The following UBE2K variants were observed in gnomAD, a reference collection of about 807,000 sequenced individuals.
UBE2K encodes the protein ubiquitin-conjugating enzyme E2 K.
UBE2K carries 6 observed loss-of-function variants against 30.0 expected under a neutral mutation model. The observed-to-expected ratio is 0.20, with a 90% CI of 0.11 to 0.39. The LOEUF is 0.39. Among genes scored for constraint, UBE2K ranks in the 10% least tolerant of loss-of-function variants. The probability of loss-of-function intolerance (pLI) is 1.00; values close to 1 mark genes in which losing one functional copy is unlikely to be tolerated. For synonymous variants in UBE2K, 86 were observed against 83.7 expected (o/e 1.03, Z -0.15); for missense variants, 61 against 241.6 (o/e 0.25, Z 4.96).
At position 39,778,644 on chromosome 4, in the gene UBE2K, TTTAA is replaced by T; in HGVS notation, c.*213_*216del. ...GTGTAAATTTAAAAAGGGGAAATAC[TTTAA>T]TTTTTTTTCTTAATAGTGTAAAAAT... On this transcript the variant is annotated 3_prime_UTR_variant, in exon 7 of 7. Transcript: ENST00000261427. The T allele has an allele frequency of 2.5e-6, 1 of 406,228 alleles. No individual in the cohort carries two copies. The highest frequency in any genetic ancestry group is 4.8e-5 in the South Asian group (1 of 20,638). 25.2% of individuals were successfully genotyped at this position (406,228 alleles called of 1,614,324 possible).
intron 1 of UBE2K, among the ~76,000 whole-genome samples, chr4:39,736,294 T>C (rs167328): frequency 0.82 from 125,465 of 152,104 alleles, 52,245 homozygotes; most frequent in African/African-American, 0.93. Flanking sequence ...AACCCCGTCT[T>C]GACTAAAAAT....
chr4:39,748,740 G>C (rs916387181), intron 3 of UBE2K, among the ~76,000 whole-genome samples: 13 of 151,874 alleles, frequency 8.6e-5, no homozygotes, highest in African/African-American at 1.5e-4. Context: ...GTATTACTGT[G>C]ACCTCAACCA....
chr4:39,703,167 T>G (rs1275788306), intron 1 of UBE2K, among the ~76,000 whole-genome samples: 1 of 152,048 alleles, frequency 6.6e-6, no homozygotes, highest in African/African-American at 2.4e-5. Flanking sequence ...ATGTTTTTAT[T>G]TTTAGTAGAG....
intron 4 of UBE2K, chr4:39,770,141 C>G: frequency 9.4e-6 from 15 of 1,600,204 alleles, no homozygotes; most frequent in Non-Finnish European, 1.3e-5. Context: ...CGGCGGTGGT[C>G]TTGCCGTGTT....
At chr4:39,759,001 T>A (rs570072287) in intron 4 of UBE2K, among the ~76,000 whole-genome samples, 4 of 152,222 alleles carry the variant, frequency 2.6e-5, no homozygotes, top group African/African-American at 9.6e-5. Context: ...TAGGTGAGAC[T>A]AGATATTCAT....
intron 1 of UBE2K, among the ~76,000 whole-genome samples, chr4:39,730,695 A>G (rs1394446972): frequency 6.6e-6 from 1 of 151,632 alleles, no homozygotes; most frequent in African/African-American, 2.4e-5. Context: ...TTGAACCCCC[A>G]AGAGGTGGAG....
intron 1 of UBE2K, among the ~76,000 whole-genome samples, chr4:39,729,702 C>T (rs896197567): frequency 6.6e-6 from 1 of 152,108 alleles, no homozygotes; most frequent in Non-Finnish European, 1.5e-5. Flanking sequence ...TTTTATTATT[C>T]TTCATGACCC....
intron 1 of UBE2K, among the ~76,000 whole-genome samples, chr4:39,736,061 A>G (rs1720362671): frequency 6.6e-6 from 1 of 151,954 alleles, no homozygotes; most frequent in South Asian, 2.1e-4. Context: ...TAATTCTTAC[A>G]CTGTTTCATC....
intron 4 of UBE2K, among the ~76,000 whole-genome samples, chr4:39,764,518 T>G (rs1712185382): frequency 6.6e-6 from 1 of 151,398 alleles, no homozygotes; most frequent in South Asian, 2.1e-4. Flanking sequence ...CGATCACAGC[T>G]CACTGCAGCC....
At chr4:39,774,996 G>A (rs463918) in intron 5 of UBE2K, 63 bp downstream of exon 5, 94,321 of 1,109,810 alleles carry the variant, frequency 0.085, 8,307 homozygotes, top group African/African-American at 0.42. Context: ...CACTTCAGTG[G>A]TTTGCACATT....
intron 4 of UBE2K, among the ~76,000 whole-genome samples, chr4:39,773,788 G>A (rs182557620): frequency 0.03 from 4,559 of 152,138 alleles, 94 homozygotes; most frequent in Non-Finnish European, 0.044. Flanking sequence ...GGGCGTGGTG[G>A]CGGGCGCCTG....
chr4:39,770,079 G>T (rs1260686355), intron 4 of UBE2K: 1 of 1,541,332 alleles, frequency 6.5e-7, no homozygotes, highest in Non-Finnish European at 8.7e-7. Flanking sequence ...ACGCCTGCGC[G>T]GCTAGCGGAT....
intron 1 of UBE2K, among the ~76,000 whole-genome samples, chr4:39,734,134 C>A (rs1720225232): frequency 7.4e-6 from 1 of 135,112 alleles, no homozygotes; most frequent in Non-Finnish European, 1.5e-5. Context: ...GAGACAGAGT[C>A]TCACTGTGTT....
intron 2 of UBE2K, among the ~76,000 whole-genome samples, chr4:39,740,306 G>C (rs1222637192): frequency 1.3e-5 from 2 of 151,972 alleles, no homozygotes; most frequent in Non-Finnish European, 2.9e-5. Context: ...AGCTAAATTA[G>C]ATAGAAGCAA....
intron 1 of UBE2K, among the ~76,000 whole-genome samples, chr4:39,723,160 C>T (rs1719521437): frequency 6.6e-6 from 1 of 151,784 alleles, no homozygotes; most frequent in South Asian, 2.1e-4. Context: ...CCTCCCACCT[C>T]AGCCTCCTGA....
Position 39,778,706 on chromosome 4 carries a change from A to G in UBE2K, c.*272A>G, listed in dbSNP as rs956143640. The G allele has an allele frequency of 6.7e-6, 2 of 299,082 alleles. No individual in the cohort carries two copies. Among genetic ancestry groups the G allele is most frequent in the Middle Eastern group, 1.1e-3 (1 of 870 alleles). 18.5% of individuals were successfully genotyped at this position (299,082 alleles called of 1,614,324 possible). On this transcript the variant is annotated 3_prime_UTR_variant, in exon 7 of 7. Transcript: ENST00000261427. ...GCTAAGCTAAAACCATGGAAGAAACATGCTACTTTAGTGTTTAGCAGTGTA... is the reference window on the plus strand; with the variant it reads ...GCTAAGCTAAAACCATGGAAGAAACGTGCTACTTTAGTGTTTAGCAGTGTA...
chr4:39,717,099 C>T (rs534991620), intron 1 of UBE2K, among the ~76,000 whole-genome samples: 4 of 151,518 alleles, frequency 2.6e-5, no homozygotes, highest in South Asian at 4.2e-4. Flanking sequence ...CCTGGGAGAT[C>T]GAGGCTGCGG....
intron 2 of UBE2K, among the ~76,000 whole-genome samples, chr4:39,742,335 G>GTT (rs5857698): frequency 2.4e-4 from 36 of 149,710 alleles, no homozygotes; most frequent in Admixed American, 3.3e-4. Flanking sequence ...TTACCTGTCA[G>GTT]TTTTTTTTTT....
intron 2 of UBE2K, among the ~76,000 whole-genome samples, chr4:39,744,626 G>A (rs1047487785): frequency 6.6e-6 from 1 of 151,730 alleles, no homozygotes; most frequent in Non-Finnish European, 1.5e-5. Context: ...AATAATTTGG[G>A]CTGGGCACAG....
Sources: allele counts gnomAD v4.1 joint callset (sites outside exome capture counted in the v4.1 genomes callset), GRCh38; gene constraint gnomAD v4.1.1; transcripts MANE v1.5; gene names NCBI Gene and HGNC (gene_info 2026-07-23, HGNC 2026-07-21).